ZNF385D: variants seen among roughly 807,000 people sequenced by gnomAD.
ZNF385D encodes the protein zinc finger protein 659.
Under a neutral mutation model 35.8 loss-of-function variants are expected in ZNF385D, and 15 were observed. The ratio of observed to expected loss-of-function variants is 0.42; its 90% CI spans 0.28 to 0.64. The LOEUF is 0.64. ZNF385D is among the 30% of genes least tolerant of loss of function. ZNF385D has a pLI of 0.23. For synonymous variants in ZNF385D, 212 were observed against 186.8 expected (o/e 1.13, Z -1.10); for missense variants, 474 against 494.6 (o/e 0.96, Z 0.39).
chr3:22,096,504 T>G (rs1337367813), intron 3 of ZNF385D, among the ~76,000 whole-genome samples: 1 of 152,026 alleles, frequency 6.6e-6, no homozygotes, highest in African/African-American at 2.4e-5. Context: ...ATAAGAACTC[T>G]CCTCATCAGA....
intron 2 of ZNF385D, among the ~76,000 whole-genome samples, chr3:22,264,900 G>A (rs1453814177): frequency 6.6e-6 from 1 of 151,834 alleles, no homozygotes; most frequent in Non-Finnish European, 1.5e-5. Flanking sequence ...ATCATGTTGA[G>A]CCCCTTCAAA....
intron 3 of ZNF385D, among the ~76,000 whole-genome samples, chr3:21,959,458 C>CT (rs1298871141): frequency 6.6e-6 from 1 of 152,170 alleles, no homozygotes; most frequent in Non-Finnish European, 1.5e-5. Flanking sequence ...AATCCAATCT[C>CT]TATCTTTCCC....
intron 3 of ZNF385D, among the ~76,000 whole-genome samples, chr3:21,816,083 C>T (rs938491355): frequency 1.3e-5 from 2 of 151,426 alleles, no homozygotes; most frequent in African/African-American, 2.4e-5. Flanking sequence ...ACAAAAACCA[C>T]GATTATCTCC....
At chr3:22,122,424 G>C (rs745421262) in intron 3 of ZNF385D, among the ~76,000 whole-genome samples, 1 of 152,004 alleles carries the variant, frequency 6.6e-6, no homozygotes, top group Admixed American at 6.6e-5. Flanking sequence ...TAAAATTATA[G>C]TAAGTATATC....
chr3:22,362,582 C>T (rs1006911135), intron 2 of ZNF385D, among the ~76,000 whole-genome samples: 3 of 152,062 alleles, frequency 2.0e-5, no homozygotes, highest in African/African-American at 7.2e-5. Context: ...TCATATCTTA[C>T]AGAACATAGG....
intron 3 of ZNF385D, among the ~76,000 whole-genome samples, chr3:21,984,236 T>G (rs1461319005): frequency 3.4e-5 from 5 of 147,644 alleles, no homozygotes; most frequent in Non-Finnish European, 7.3e-5. Flanking sequence ...CTGAAGTCCT[T>G]GGCCACGCCT....
chr3:22,342,169 C>T (rs1446841915), intron 2 of ZNF385D, among the ~76,000 whole-genome samples: 2 of 146,248 alleles, frequency 1.4e-5, no homozygotes, highest in Admixed American at 7.0e-5. Flanking sequence ...CCCAGCTACT[C>T]GGGAGACTGA....
chr3:22,235,180 T>G (rs1341455499), intron 2 of ZNF385D, among the ~76,000 whole-genome samples: 1 of 152,026 alleles, frequency 6.6e-6, no homozygotes, highest in Non-Finnish European at 1.5e-5. Flanking sequence ...ATCTGGAATT[T>G]TACCCTCAGC....
At chr3:22,115,917 G>A (rs143862372) in intron 3 of ZNF385D, among the ~76,000 whole-genome samples, 1 of 152,042 alleles carries the variant, frequency 6.6e-6, no homozygotes, top group Non-Finnish European at 1.5e-5. Context: ...GCGAGCTGAT[G>A]CCTATACCAA....
At chr3:22,338,272 A>G (rs1214717109) in intron 2 of ZNF385D, among the ~76,000 whole-genome samples, 1 of 152,210 alleles carries the variant, frequency 6.6e-6, no homozygotes, top group Non-Finnish European at 1.5e-5. Flanking sequence ...ACCAAGTAAT[A>G]TGTTGACAAC....
At chr3:21,490,089 C>T (rs1254040418) in intron 4 of ZNF385D, among the ~76,000 whole-genome samples, 1 of 152,148 alleles carries the variant, frequency 6.6e-6, no homozygotes, top group African/African-American at 2.4e-5. Flanking sequence ...ACATGTCTTT[C>T]CTATTGTCCC....
intron 3 of ZNF385D, among the ~76,000 whole-genome samples, chr3:22,116,814 G>T (rs1414342380): frequency 6.6e-6 from 1 of 151,884 alleles, no homozygotes; most frequent in East Asian, 1.9e-4. Flanking sequence ...TATGATGAAA[G>T]GTTTATAAGG....
chr3:22,224,666 A>G (rs1376249761), intron 2 of ZNF385D, among the ~76,000 whole-genome samples: 1 of 152,216 alleles, frequency 6.6e-6, no homozygotes, highest in Non-Finnish European at 1.5e-5. Context: ...ATCTTTTGTC[A>G]GCAGGTTATT....
At chr3:22,075,253 G>T (rs994650811) in intron 3 of ZNF385D, among the ~76,000 whole-genome samples, 19 of 151,858 alleles carry the variant, frequency 1.3e-4, no homozygotes, top group African/African-American at 4.1e-4. Flanking sequence ...CTTCAGTTTA[G>T]ATGCACACTC....
At chr3:21,953,862 G>A (rs571262771) in intron 3 of ZNF385D, among the ~76,000 whole-genome samples, 5 of 151,978 alleles carry the variant, frequency 3.3e-5, no homozygotes, top group African/African-American at 9.7e-5. Context: ...ACTCACTCAC[G>A]TATACACACA....
intron 3 of ZNF385D, among the ~76,000 whole-genome samples, chr3:21,759,559 A>G (rs781202383): frequency 6.6e-6 from 1 of 152,192 alleles, no homozygotes; most frequent in Non-Finnish European, 1.5e-5. Flanking sequence ...ATATGCCTCC[A>G]AAGACATTTG....
chr3:21,874,456 C>T (rs1697859566), intron 3 of ZNF385D, among the ~76,000 whole-genome samples: 1 of 152,000 alleles, frequency 6.6e-6, no homozygotes, highest in South Asian at 2.1e-4. Flanking sequence ...TCTGTATTGC[C>T]TCTTCATCTG....
intron 3 of ZNF385D, among the ~76,000 whole-genome samples, chr3:21,812,374 G>A (rs1364855817): frequency 2.0e-5 from 3 of 152,360 alleles, no homozygotes; most frequent in African/African-American, 4.8e-5. Context: ...AGCCCATGGA[G>A]TGTGAGCTGA....
Position 21,574,055 on chromosome 3 carries a change from C to T in ZNF385D, c.166-9371G>A, listed in dbSNP as rs138911168. 4.9e-4 allele frequency among the ~76,000 whole-genome samples: 31 copies of T among 63,034 alleles called. 1 individual carries two copies. Among genetic ancestry groups the T allele is most frequent in the African/African-American group, 2.3e-3 (25 of 11,064 alleles). The allele number at this position is 63,034 out of a possible 152,430, so 41.4% of individuals were successfully genotyped here. ...AGCCTGCACAACAAGAGTGAAACTC[C>T]GTCTCAAAAAAAAAAAAAAAGGAAG... On this transcript the variant is annotated intron_variant, in intron 2 of 7. Transcript: ENST00000281523.
Sources: allele counts gnomAD v4.1 joint callset (sites outside exome capture counted in the v4.1 genomes callset), GRCh38; gene constraint gnomAD v4.1.1; transcripts MANE v1.5; gene names NCBI Gene and HGNC (gene_info 2026-07-23, HGNC 2026-07-21).